Variants in EFNB2 observed in about 807,000 individuals in gnomAD.
EFNB2 encodes the protein ephrin B2, also known as ephrin-B2.
Under a neutral mutation model 32.1 loss-of-function variants are expected in EFNB2, and 5 were observed. The ratio of observed to expected loss-of-function variants is 0.16; its 90% CI spans 0.08 to 0.33. The LOEUF (loss-of-function observed/expected upper bound fraction) is 0.33. Among genes scored for constraint, EFNB2 ranks in the 10% least tolerant of loss-of-function variants. The pLI is 1.00. For missense variants in EFNB2, 263 were observed against 422.6 expected, an observed-to-expected ratio of 0.62 and a Z score of 3.31; for synonymous variants, 168 against 166.5, an observed-to-expected ratio of 1.01 and a Z score of -0.07.
chr13:106,532,178 CG>C (rs1327631468), intron 1 of EFNB2, among the ~76,000 whole-genome samples: 6 of 151,992 alleles, frequency 3.9e-5, no homozygotes, highest in African/African-American at 1.5e-4. Flanking sequence ...TGTTTCAGCA[CG>C]CAGGACATCT....
Position 106,533,602 on chromosome 13 carries a change from A to C in EFNB2, c.122+1241T>G, listed in dbSNP as rs561925354. Among the ~76,000 whole-genome samples, 98 of 152,234 alleles carry C rather than the reference A, an allele frequency of 6.4e-4. 3 individuals are homozygous for C. Among genetic ancestry groups the C allele is most frequent in the Admixed American group, 7.2e-4 (11 of 15,288 alleles). On this transcript the variant is annotated intron_variant, in intron 1 of 4. Transcript: ENST00000646441. ...CTTGGTTAACATGTTAGTGAATTTG[A>C]AATTTGACACTTTTAAGAGAATGGA...
intron 2 of EFNB2, among the ~76,000 whole-genome samples, chr13:106,498,179 G>A (rs553296498): frequency 8.9e-4 from 136 of 152,202 alleles, no homozygotes; most frequent in Non-Finnish European, 1.6e-3. Flanking sequence ...GATCTGAAGG[G>A]CAGTGCACAG....
chr13:106,529,297 G>A (rs1879798794), intron 1 of EFNB2, among the ~76,000 whole-genome samples: 1 of 152,134 alleles, frequency 6.6e-6, no homozygotes, highest in Non-Finnish European at 1.5e-5. Context: ...AATAGATTAA[G>A]GCAACGACCG....
At position 106,535,289 on chromosome 13, in the gene EFNB2, C is replaced by G. The variant is rs1390691893; in HGVS notation, c.-325G>C. On this transcript the variant is annotated 5_prime_UTR_variant, in exon 1 of 5. Coordinates refer to ENST00000646441, the MANE Select transcript of EFNB2 (RefSeq NM_004093.4). ...GGGCCGGCCGCGGCTGGCGGGTGGGCGCGGGGCGGGTGCGGGCTGGGACAC... is the reference window on the plus strand; with the variant it reads ...GGGCCGGCCGCGGCTGGCGGGTGGGGGCGGGGCGGGTGCGGGCTGGGACAC... 6.7e-6 allele frequency: 1 copy of G among 149,672 alleles called. No homozygotes were observed. The highest frequency in any genetic ancestry group is 1.5e-5 in the Non-Finnish European group (1 of 67,062). 9.3% of individuals were successfully genotyped at this position (149,672 alleles called of 1,614,324 possible).
At chr13:106,532,819 G>A (rs1432391261) in intron 1 of EFNB2, among the ~76,000 whole-genome samples, 1 of 136,092 alleles carries the variant, frequency 7.3e-6, no homozygotes, top group Admixed American at 7.7e-5. Context: ...TTCATCATCA[G>A]AATGGGGGGG....
chr13:106,526,511 G>C (rs141566840), intron 1 of EFNB2, among the ~76,000 whole-genome samples: 3 of 152,234 alleles, frequency 2.0e-5, no homozygotes, highest in African/African-American at 7.2e-5. Context: ...CATAAAGAGA[G>C]AGAACATGTC....
intron 1 of EFNB2, among the ~76,000 whole-genome samples, chr13:106,528,094 G>C (rs937432714): frequency 2.6e-5 from 4 of 152,196 alleles, no homozygotes; most frequent in African/African-American, 9.7e-5. Context: ...TTGGATGTGA[G>C]CAGCCTGTAA....
intron 2 of EFNB2, among the ~76,000 whole-genome samples, chr13:106,497,834 C>T (rs1878641834): frequency 6.6e-6 from 1 of 152,136 alleles, no homozygotes; most frequent in African/African-American, 2.4e-5. Context: ...TTTCTATGAG[C>T]AGATCCTATT....
intron 2 of EFNB2, among the ~76,000 whole-genome samples, chr13:106,508,611 T>G (rs577664613): frequency 5.3e-5 from 8 of 152,270 alleles, no homozygotes; most frequent in African/African-American, 1.9e-4. Context: ...ATGACTTAGG[T>G]GGGGCTATGT....
In EFNB2 at chr13:106,495,947, G is replaced by T. The variant is rs933088294; in HGVS notation, c.407-107C>A. The T allele has an allele frequency of 9.2e-6, 10 of 1,090,376 alleles. No homozygotes were observed. In the African/African-American group the frequency reaches 9.6e-5, roughly 10 times the overall value. The allele number at this position is 1,090,376 out of a possible 1,614,324, so 67.5% of individuals were successfully genotyped here. A position where few individuals can be genotyped will look rare whatever the true frequency, so the allele number is the denominator to read the frequency against. On this transcript the variant is annotated intron_variant, in intron 2 of 4. Transcript: ENST00000646441. ...TGTCTGAAAACAATTTGAAAAATAA[G>T]AATTCACTCTTAGTCACAAGTTTTC... is the stretch of plus-strand genomic sequence containing the variant.
At chr13:106,496,660 T>C (rs1878602002) in intron 2 of EFNB2, among the ~76,000 whole-genome samples, 1 of 151,754 alleles carries the variant, frequency 6.6e-6, no homozygotes, top group African/African-American at 2.4e-5. Context: ...CAGTGAGGAG[T>C]GGAAGGAAGG....
At chr13:106,529,285 CA>C (rs1319231593) in intron 1 of EFNB2, among the ~76,000 whole-genome samples, 1 of 152,056 alleles carries the variant, frequency 6.6e-6, no homozygotes, top group Middle Eastern at 3.2e-3. Context: ...GCCTGAAGCC[CA>C]AATAGATTAA....
Position 106,495,785 on chromosome 13 carries a change from C to G in EFNB2, c.462G>C (p.Gln154His), listed in dbSNP as rs1370177680. The G allele has an allele frequency of 1.2e-6, 2 of 1,614,048 alleles. 1 individual carries two copies. The highest frequency in any genetic ancestry group is 2.2e-5 in the South Asian group (2 of 91,088). ...GLDNQEGGVC[Q>H]TRAMKILMKV... is the part of the protein sequence containing the mutation. Reference sequence around the variant, plus strand: ...TCATGAGGATCTTCATGGCTCTTGTCTGGCACACCCCTCCCTCCTGGTTAT... The same window carrying G: ...TCATGAGGATCTTCATGGCTCTTGTGTGGCACACCCCTCCCTCCTGGTTAT... Residue 154 changes from glutamine (Q) to histidine (H), a missense_variant, in exon 3 of 5, where the codon CAG becomes CAC. This residue lies in a region of EFNB2 where 45 missense variants were observed against 128.6 expected (regional missense o/e 0.35). Transcript: ENST00000646441.
chr13:106,521,210 G>A (rs545431865), intron 1 of EFNB2: 2 of 133,718 alleles, frequency 1.5e-5, no homozygotes, highest in South Asian at 4.7e-4. Context: ...ATAAATCTGA[G>A]AGCAAAGACT....
chr13:106,520,973 C>G (rs1879493943), intron 1 of EFNB2: 1 of 152,134 alleles, frequency 6.6e-6, no homozygotes, highest in Admixed American at 6.5e-5. Flanking sequence ...CCACTATCTT[C>G]TCAGCGGCTT....
intron 1 of EFNB2, among the ~76,000 whole-genome samples, chr13:106,534,104 G>A (rs532712553): frequency 1.5e-3 from 233 of 152,310 alleles, no homozygotes; most frequent in Admixed American, 3.5e-3. Flanking sequence ...TTTATAGGAA[G>A]TGCATTACAA....
intron 3 of EFNB2, among the ~76,000 whole-genome samples, chr13:106,495,238 C>T (rs779297434): frequency 1.3e-5 from 2 of 152,214 alleles, no homozygotes; most frequent in African/African-American, 4.8e-5. Flanking sequence ...GCAGGCAAAG[C>T]ATTGCAGATG....
intron 2 of EFNB2, among the ~76,000 whole-genome samples, chr13:106,504,599 G>T (rs750863845): frequency 2.6e-5 from 4 of 152,148 alleles, no homozygotes; most frequent in Non-Finnish European, 2.9e-5. Context: ...GCCAATAAAA[G>T]AATACCTTCA....
At chr13:106,505,329 C>CTA (rs1462942820) in intron 2 of EFNB2, among the ~76,000 whole-genome samples, 2 of 152,306 alleles carry the variant, frequency 1.3e-5, no homozygotes, top group South Asian at 4.1e-4. Context: ...TGTAAACTAA[C>CTA]AACGCCGGCC....
Sources: gnomAD v4.1 joint callset for allele counts (sites outside exome capture counted in the v4.1 genomes callset) on GRCh38, gnomAD v4.1.1 for gene constraint, gnomAD v4.1.1 regional missense constraint, MANE v1.5 for transcripts, NCBI Gene and HGNC (gene_info 2026-07-23, HGNC 2026-07-21) for gene names.